Variants in FCRL5 observed in about 807,000 individuals in gnomAD.
The protein encoded by FCRL5 is Fc receptor like 5, also known as Fc receptor-like protein 5.
FCRL5 carries 79 observed loss-of-function variants against 92.1 expected under a neutral mutation model. The ratio of observed to expected loss-of-function variants is 0.86; its 90% confidence interval spans 0.72 to 1.03. The LOEUF is 1.03. FCRL5 is among the 50% of genes least tolerant of loss of function. The pLI, the probability that FCRL5 is intolerant of heterozygous loss-of-function variation, is 0.00. For synonymous variants in FCRL5, 466 were observed against 469.3 expected (o/e 0.99, Z 0.09); for missense variants, 1,160 against 1,181.1 (o/e 0.98, Z 0.26).
chr1:157,526,453 G>A (rs1434525738), intron 9 of FCRL5, among the ~76,000 whole-genome samples: 2 of 152,186 alleles, frequency 1.3e-5, no homozygotes, highest in Admixed American at 1.3e-4. Flanking sequence ...GGGACCAAGA[G>A]AGGGTTTTCC....
At chr1:157,517,237 T>C (rs11264749) in intron 15 of FCRL5, among the ~76,000 whole-genome samples, 15,998 of 152,148 alleles carry the variant, frequency 0.11, 2,314 homozygotes, top group African/African-American at 0.33. Flanking sequence ...TCGTCACAGC[T>C]GCTCAACCCT....
intron 6 of FCRL5, chr1:157,541,819 A>G (rs951135717): frequency 1.3e-5 from 2 of 152,262 alleles, no homozygotes; most frequent in African/African-American, 4.8e-5. Flanking sequence ...AGTCTGGTCC[A>G]TGGAATATAT....
Position 157,547,161 on chromosome 1 carries a change from G to T in FCRL5, c.89C>A (p.Pro30Gln). The change falls in exon 3 of 17, where the codon CCA becomes CAA. Residue 30 changes from proline to glutamine, a missense_variant. Physicochemically the swap from Pro to Gln is moderately conservative, Grantham distance 76 (BLOSUM62 -1). Coordinates refer to ENST00000361835, the MANE Select transcript of FCRL5 (RefSeq NM_031281.3). ...CTCTCCTTGGAAGACTGTGGTCCAT[G>T]GAGGCTGGAGGAAAATAATGGGCCT... is the stretch of plus-strand genomic sequence containing the variant. ...TPRPIIFLQPPWTTVFQGERV... is the reference protein window; with the variant it reads ...TPRPIIFLQPQWTTVFQGERV... The T allele has an allele frequency of 1.9e-6, 3 of 1,614,018 alleles. No homozygotes were observed. Among genetic ancestry groups the T allele is most frequent in the Non-Finnish European group, 2.5e-6 (3 of 1,180,030 alleles).
chr1:157,544,512 G>A lies in FCRL5; in HGVS notation c.594C>T (p.Ser198=), dbSNP rs1211320579. 11 of 1,614,052 alleles carry A rather than the reference G, an allele frequency of 6.8e-6. No homozygotes were observed. Among genetic ancestry groups the A allele is most frequent in the African/African-American group, 1.3e-5 (1 of 74,946 alleles). The change falls in exon 5 of 17, where the codon TCC becomes TCT. Residue 198 remains serine (S), a synonymous_variant. Coordinates refer to ENST00000361835, the MANE Select transcript of FCRL5 (RefSeq NM_031281.3). ...PFTRPVLRAS[S]FQPISGNPVT... Reference sequence around the variant, plus strand: ...CTGGGTTCCCGCTGATGGGCTGGAAGGAGCTGGCTCTCAGCACTGGACGTG... The same window carrying A: ...CTGGGTTCCCGCTGATGGGCTGGAAAGAGCTGGCTCTCAGCACTGGACGTG...
chr1:157,538,469 T>C (rs1255816314), intron 7 of FCRL5, among the ~76,000 whole-genome samples: 1 of 152,232 alleles, frequency 6.6e-6, no homozygotes, highest in African/African-American at 2.4e-5. Context: ...GTCATAACTA[T>C]TTGACAGTTA....
rs2101584173 is a variant in FCRL5 at position 157,513,862 on chromosome 1, C to T, written c.*1813G>A. Reference sequence around the variant, plus strand: ...CAGATTTTTTTCTTTAATCCTGAGCCTATGCTTGCTGCTGTCCTTCTTGAC... The same window carrying T: ...CAGATTTTTTTCTTTAATCCTGAGCTTATGCTTGCTGCTGTCCTTCTTGAC... On this transcript the variant is annotated 3_prime_UTR_variant, in exon 17 of 17. Coordinates refer to ENST00000361835, the MANE Select transcript of FCRL5 (RefSeq NM_031281.3). 6.6e-6 allele frequency: 1 copy of T among 152,292 alleles called. No homozygotes were observed. Among genetic ancestry groups the T allele is most frequent in the African/African-American group, 2.4e-5 (1 of 41,546 alleles). 9.4% of individuals were successfully genotyped at this position (152,292 alleles called of 1,614,324 possible).
intron 2 of FCRL5, among the ~76,000 whole-genome samples, chr1:157,548,947 T>A (rs1651683684): frequency 6.6e-6 from 1 of 152,098 alleles, no homozygotes; most frequent in Admixed American, 6.6e-5. Flanking sequence ...ATATAACCAA[T>A]GGACTACAAA....
chr1:157,530,091 G>A (rs1018059233), intron 8 of FCRL5, among the ~76,000 whole-genome samples: 1 of 151,790 alleles, frequency 6.6e-6, no homozygotes, highest in Non-Finnish European at 1.5e-5. Context: ...TGAGTATTTG[G>A]TGACACTTTC....
chr1:157,539,663 T>C (rs957813874), intron 6 of FCRL5, among the ~76,000 whole-genome samples: 2 of 152,252 alleles, frequency 1.3e-5, no homozygotes, highest in African/African-American at 4.8e-5. Flanking sequence ...ACAGTGTAAA[T>C]TGATAGCTGA....
Position 157,534,753 on chromosome 1 carries a change from C to T in FCRL5, c.1542G>A (p.Leu514=). The change falls in exon 8 of 17, where the codon CTG becomes CTA. Residue 514 remains leucine, a synonymous_variant. Coordinates refer to ENST00000361835, the MANE Select transcript of FCRL5 (RefSeq NM_031281.3). ...LYQFYHEDMP[L]WSSSTPSVGR... is the part of the protein sequence containing the mutation. ...CCACAGAGGGTGTTGAGCTGCTCCA[C>T]AGGGGCATGTCCTCATGATAAAACT... The T allele has an allele frequency of 6.2e-7, 1 of 1,614,146 alleles. No individual in the cohort carries two copies. Among genetic ancestry groups the T allele is most frequent in the Non-Finnish European group, 8.5e-7 (1 of 1,180,014 alleles).
chr1:157,534,795 G>T lies in FCRL5; in HGVS notation c.1500C>A (p.Ser500=), dbSNP rs1333684104. The change falls in exon 8 of 17, where the codon TCC becomes TCA. Residue 500 remains serine, a synonymous_variant. Coordinates refer to ENST00000361835, the MANE Select transcript of FCRL5 (RefSeq NM_031281.3). ...GATAAAACTGGTATAGGATTTGTGG[G>T]GAACCTCTCTGGACTTCACAGTGAA... The part of the protein sequence containing the change: ...VTLHCEVQRG[S]PQILYQFYHE... 6.2e-7 allele frequency: 1 copy of T among 1,613,254 alleles called. No homozygotes were observed. Among genetic ancestry groups the T allele is most frequent in the Non-Finnish European group, 8.5e-7 (1 of 1,179,574 alleles).
chr1:157,541,555 C>G (rs1318050961), intron 6 of FCRL5, among the ~76,000 whole-genome samples: 1 of 152,352 alleles, frequency 6.6e-6, no homozygotes, highest in South Asian at 2.1e-4. Context: ...CCTCCCTCAC[C>G]ACAATCCTCT....
intron 3 of FCRL5, among the ~76,000 whole-genome samples, chr1:157,546,498 ACC>A (rs1651546163): frequency 1.3e-5 from 2 of 151,742 alleles, no homozygotes; most frequent in East Asian, 1.9e-4. Context: ...ACCAAACCAA[ACC>A]AAAAAGCTAT....
At chr1:157,526,628 G>A (rs1231193274) in intron 9 of FCRL5, among the ~76,000 whole-genome samples, 1 of 152,188 alleles carries the variant, frequency 6.6e-6, no homozygotes, top group Non-Finnish European at 1.5e-5. Context: ...CACCTATGGG[G>A]AGGGAAGTCC....
intron 2 of FCRL5, among the ~76,000 whole-genome samples, chr1:157,549,297 AG>A: frequency 1.4e-5 from 1 of 73,986 alleles, no homozygotes; most frequent in African/African-American, 5.6e-5. Flanking sequence ...GGGTGGGGGG[AG>A]GGGGGAGGGA....
intron 15 of FCRL5, among the ~76,000 whole-genome samples, chr1:157,516,503 A>G (rs920787742): frequency 6.6e-6 from 1 of 152,170 alleles, no homozygotes; most frequent in African/African-American, 2.4e-5. Context: ...TATTCAATAC[A>G]TTTTCTCTCT....
intron 8 of FCRL5, among the ~76,000 whole-genome samples, chr1:157,529,741 C>T (rs1650604580): frequency 6.6e-6 from 1 of 152,174 alleles, no homozygotes; most frequent in African/African-American, 2.4e-5. Context: ...TGTATGTTCT[C>T]ACTTATCAGT....
chr1:157,547,358 T>C, intron 2 of FCRL5, 161 bp from the exon 3 acceptor site: 1 of 922,704 alleles, frequency 1.1e-6, no homozygotes, highest in Non-Finnish European at 1.8e-6. Context: ...CCAGTGGCCC[T>C]CACCTCACCC....
chr1:157,552,071 GA>G (rs1651845104), intron 1 of FCRL5, among the ~76,000 whole-genome samples: 1 of 152,066 alleles, frequency 6.6e-6, no homozygotes, highest in Admixed American at 6.6e-5. Flanking sequence ...ACTTTTTAAA[GA>G]AAAAAATAAA....
Sources: allele counts gnomAD v4.1 joint callset (sites outside exome capture counted in the v4.1 genomes callset), GRCh38; gene constraint gnomAD v4.1.1; transcripts MANE v1.5; gene names NCBI Gene and HGNC (gene_info 2026-07-23, HGNC 2026-07-21).